Variants in APBA1 observed in about 807,000 individuals in gnomAD.
The protein encoded by APBA1 is amyloid beta precursor protein binding family A member 1.
APBA1 carries 55 observed loss-of-function variants against 86.6 expected under a neutral mutation model. That is an observed-to-expected ratio of 0.64 (90% CI 0.51 to 0.80). The LOEUF (loss-of-function observed/expected upper bound fraction) is 0.80. Among genes scored for constraint, APBA1 ranks in the 30% least tolerant of loss-of-function variants. APBA1 has a pLI of 0.00. For synonymous variants in APBA1, 511 were observed against 493.9 expected, an observed-to-expected ratio of 1.03 and a Z score of -0.46; for missense variants, 1,090 against 1,183.0, an observed-to-expected ratio of 0.92 and a Z score of 1.15.
intron 1 of APBA1, among the ~76,000 whole-genome samples, chr9:69,616,760 C>T (rs1337103887): frequency 6.6e-6 from 1 of 152,142 alleles, no homozygotes; most frequent in Non-Finnish European, 1.5e-5. Flanking sequence ...TAGACCACAC[C>T]AGGACAGGTC....
At chr9:69,469,847 TGAA>T (rs1055034718) in intron 4 of APBA1, among the ~76,000 whole-genome samples, 11 of 152,272 alleles carry the variant, frequency 7.2e-5, no homozygotes, top group Admixed American at 5.2e-4. Flanking sequence ...CAACCAGATA[TGAA>T]GAAGAACGAT....
rs980469692 is a variant in APBA1 at position 69,468,087 on chromosome 9, C to G, written c.1337-119G>C. The G allele has an allele frequency of 6.6e-6, 8 of 1,213,042 alleles. No individual in the cohort carries two copies. The African/African-American group carries it at 9.0e-5, about 14-fold the overall frequency. 75.1% of individuals were successfully genotyped at this position (1,213,042 alleles called of 1,614,324 possible). On this transcript the variant is annotated intron_variant, in intron 4 of 12. Coordinates refer to ENST00000265381, the MANE Select transcript of APBA1 (RefSeq NM_001163.4). ...CTGGCACAGGTGAGGCAGAGCCAAC[C>G]TGCTGGTCTGAGGCATCTCTCTGTG...
At position 69,455,941 on chromosome 9, in the gene APBA1, C is replaced by T. The variant is rs563678639; in HGVS notation, c.1788+306G>A. On this transcript the variant is annotated intron_variant, in intron 8 of 12. Coordinates refer to ENST00000265381, the MANE Select transcript of APBA1 (RefSeq NM_001163.4). ...CTCCTCAAGTGAGGGCTTTGTTGAT[C>T]ACCCTACCTGACATAGCCCCTGTCC... Among the ~76,000 whole-genome samples, 6 of 152,302 alleles carry T rather than the reference C, an allele frequency of 3.9e-5. No homozygotes were observed. In the South Asian group the frequency reaches 1.2e-3, roughly 32 times the overall value.
intron 12 of APBA1, 148 bp from the exon 13 acceptor site, chr9:69,431,546 C>T: frequency 3.2e-6 from 2 of 627,486 alleles, no homozygotes; most frequent in East Asian, 3.1e-5. Flanking sequence ...AGGGACCTGA[C>T]CCAGGGTGGC....
intron 1 of APBA1, among the ~76,000 whole-genome samples, chr9:69,568,880 C>CA (rs1564079831): frequency 6.6e-6 from 1 of 152,112 alleles, no homozygotes. Flanking sequence ...AGAAAGTACT[C>CA]AAAAACAGTG....
chr9:69,440,972 G>T, intron 11 of APBA1, 24 bp downstream of exon 11: 1 of 1,607,774 alleles, frequency 6.2e-7, no homozygotes, highest in Non-Finnish European at 8.5e-7. Flanking sequence ...TTGTGGAAAA[G>T]GGTGTGGAAG....
Position 69,483,728 on chromosome 9 carries a change from C to T in APBA1, c.1201-7585G>A, listed in dbSNP as rs772739092. Reference sequence around the variant, plus strand: ...ATTCTAGGCAGGGAGGTCAGGACAACGAACAAACCCCTTAAACATTCACAT... The same window carrying T: ...ATTCTAGGCAGGGAGGTCAGGACAATGAACAAACCCCTTAAACATTCACAT... On this transcript the variant is annotated intron_variant, in intron 2 of 12. Coordinates refer to ENST00000265381, the MANE Select transcript of APBA1 (RefSeq NM_001163.4). 2.6e-5 allele frequency among the ~76,000 whole-genome samples: 4 copies of T among 152,174 alleles called. No individual in the cohort carries two copies. The East Asian group carries it at 7.7e-4, about 29-fold the overall frequency.
chr9:69,667,444 A>T (rs1303119263), intron 1 of APBA1, among the ~76,000 whole-genome samples: 1 of 151,892 alleles, frequency 6.6e-6, no homozygotes, highest in African/African-American at 2.4e-5. Flanking sequence ...AGTCTTTGTC[A>T]TTCTACTCCT....
At chr9:69,586,099 A>G (rs1475883665) in intron 1 of APBA1, among the ~76,000 whole-genome samples, 1 of 152,138 alleles carries the variant, frequency 6.6e-6, no homozygotes, top group Non-Finnish European at 1.5e-5. Flanking sequence ...GCTCAACAGG[A>G]TTTCTGCTGG....
At chr9:69,611,771 T>C (rs1443309677) in intron 1 of APBA1, among the ~76,000 whole-genome samples, 1 of 152,210 alleles carries the variant, frequency 6.6e-6, no homozygotes, top group Non-Finnish European at 1.5e-5. Context: ...CATTGTGTGT[T>C]CACACATGTT....
chr9:69,654,225 T>G (rs1262523174), intron 1 of APBA1, among the ~76,000 whole-genome samples: 1 of 149,564 alleles, frequency 6.7e-6, no homozygotes, highest in Non-Finnish European at 1.5e-5. Flanking sequence ...AAATAGGAAC[T>G]AAACCCAAAA....
At chr9:69,570,034 A>C (rs1263037590) in intron 1 of APBA1, among the ~76,000 whole-genome samples, 2 of 152,244 alleles carry the variant, frequency 1.3e-5, no homozygotes, top group Non-Finnish European at 2.9e-5. Flanking sequence ...GGATCTAAGA[A>C]GCTTGAGAAG....
At chr9:69,485,154 T>C (rs1228583937) in intron 2 of APBA1, among the ~76,000 whole-genome samples, 3 of 151,912 alleles carry the variant, frequency 2.0e-5, no homozygotes, top group African/African-American at 4.8e-5. Flanking sequence ...GTCTTTGCCT[T>C]TGATGACTGT....
intron 10 of APBA1, among the ~76,000 whole-genome samples, chr9:69,448,602 TGAG>T (rs1363111050): frequency 6.6e-6 from 1 of 150,758 alleles, no homozygotes; most frequent in Non-Finnish European, 1.5e-5. Flanking sequence ...CCCCCTTAGC[TGAG>T]GAGGCTGGCT....
intron 1 of APBA1, among the ~76,000 whole-genome samples, chr9:69,648,895 G>A (rs1239300049): frequency 6.6e-6 from 1 of 152,168 alleles, no homozygotes; most frequent in Non-Finnish European, 1.5e-5. Context: ...TAAAGTCAAT[G>A]TCTTATCTGT....
chr9:69,497,240 C>CAA (rs1835813717), intron 2 of APBA1, among the ~76,000 whole-genome samples: 1 of 151,968 alleles, frequency 6.6e-6, no homozygotes, highest in Non-Finnish European at 1.5e-5. Flanking sequence ...AGCACAAAGG[C>CAA]GGTTGAGATG....
intron 1 of APBA1, among the ~76,000 whole-genome samples, chr9:69,636,864 G>GGAGGGAGGGAGA (rs1823178511): frequency 1.8e-5 from 1 of 57,124 alleles, no homozygotes; most frequent in South Asian, 9.2e-4. Context: ...AGGGAGGGAG[G>GGAGGGAGGGAGA]GAGAGAGAAA....
intron 1 of APBA1, among the ~76,000 whole-genome samples, chr9:69,591,240 CT>C (rs1436673556): frequency 6.6e-6 from 1 of 152,176 alleles, no homozygotes; most frequent in Non-Finnish European, 1.5e-5. Flanking sequence ...TTCCCCTTCT[CT>C]TTAGTTCTCT....
intron 1 of APBA1, among the ~76,000 whole-genome samples, chr9:69,635,697 T>C (rs1823143282): frequency 6.6e-6 from 1 of 152,140 alleles, no homozygotes; most frequent in African/African-American, 2.4e-5. Context: ...GGAGTAGCTA[T>C]ACTTACATGA....
Sources: allele counts gnomAD v4.1 joint callset (sites outside exome capture counted in the v4.1 genomes callset), GRCh38; gene constraint gnomAD v4.1.1; transcripts MANE v1.5; gene names NCBI Gene and HGNC (gene_info 2026-07-23, HGNC 2026-07-21).